Variants in RYR2 observed in about 807,000 individuals in gnomAD.
The protein encoded by RYR2 is cardiac muscle ryanodine receptor-calcium release channel.
RYR2 carries 227 observed loss-of-function variants against 601.1 expected under a neutral mutation model. The observed-to-expected ratio is 0.38, with a 90% CI of 0.34 to 0.42. The LOEUF is 0.42. RYR2 is among the 10% of genes least tolerant of loss of function. The pLI, the probability that RYR2 is intolerant of heterozygous loss-of-function variation, is 1.00. For missense variants in RYR2, 4,646 were observed against 6,156.5 expected (o/e 0.75, Z 8.21); for synonymous variants, 2,223 against 2,175.1 (o/e 1.02, Z -0.61).
chr1:237,521,976 T>C (rs1667132402), intron 24 of RYR2, among the ~76,000 whole-genome samples: 1 of 152,108 alleles, frequency 6.6e-6, no homozygotes. Flanking sequence ...GGAATGCTCT[T>C]TTCTTTTTTT....
chr1:237,599,021 G>A (rs186119722), intron 34 of RYR2, among the ~76,000 whole-genome samples: 2 of 152,140 alleles, frequency 1.3e-5, no homozygotes, highest in East Asian at 3.9e-4. Context: ...CCAACAAATT[G>A]GATAACCTAG....
chr1:237,335,686 T>C (rs1697180622), intron 3 of RYR2, among the ~76,000 whole-genome samples: 1 of 152,180 alleles, frequency 6.6e-6, no homozygotes, highest in African/African-American at 2.4e-5. Context: ...TAGAATATTG[T>C]AGATTGAACT....
chr1:237,429,009 G>A (rs920170316), intron 12 of RYR2, among the ~76,000 whole-genome samples: 1 of 150,226 alleles, frequency 6.7e-6, no homozygotes, highest in African/African-American at 2.4e-5. Context: ...ACCCTTAATT[G>A]GACATTCATT....
intron 17 of RYR2, among the ~76,000 whole-genome samples, chr1:237,476,509 CAAAAAAAAAAAAAAAA>C (rs56116691): frequency 4.3e-5 from 3 of 70,190 alleles, no homozygotes; most frequent in Non-Finnish European, 7.5e-5. Context: ...GACTCTGTCT[CAAAAAAAAAAAAAAAA>C]AAAAAAAAAA....
At chr1:237,264,518 A>T (rs1688845635) in intron 1 of RYR2, among the ~76,000 whole-genome samples, 1 of 152,126 alleles carries the variant, frequency 6.6e-6, no homozygotes, top group African/African-American at 2.4e-5. Flanking sequence ...GGGCAATTCA[A>T]TGAAAGGGTA....
intron 16 of RYR2, among the ~76,000 whole-genome samples, chr1:237,458,612 T>C (rs540166098): frequency 1.3e-5 from 2 of 152,278 alleles, no homozygotes; most frequent in African/African-American, 4.8e-5. Context: ...CTGGTTTTTG[T>C]ATCTGCTATT....
chr1:237,304,539 G>C (rs1344434425), intron 2 of RYR2, among the ~76,000 whole-genome samples: 1 of 152,154 alleles, frequency 6.6e-6, no homozygotes, highest in Non-Finnish European at 1.5e-5. Context: ...TGTTTCAAAG[G>C]CTACTTATTG....
chr1:237,792,636 G>A (rs879752165), intron 94 of RYR2, among the ~76,000 whole-genome samples: 1 of 152,116 alleles, frequency 6.6e-6, no homozygotes, highest in Non-Finnish European at 1.5e-5. Context: ...GGGCATTGGA[G>A]CCTGGCCTTT....
At chr1:237,214,392 T>C (rs777107322) in intron 1 of RYR2, among the ~76,000 whole-genome samples, 11 of 152,136 alleles carry the variant, frequency 7.2e-5, no homozygotes, top group South Asian at 6.2e-4. Flanking sequence ...CCAGCATTTG[T>C]CTCTGGTCAG....
At chr1:237,808,853 GTA>G in intron 99 of RYR2, 46 bp from the exon 100 acceptor site, 1 of 1,602,288 alleles carries the variant, frequency 6.2e-7, no homozygotes, top group South Asian at 1.1e-5. Context: ...CGTGTCAATT[GTA>G]TGTCCTACAT....
chr1:237,556,127 C>G (rs964314854), intron 27 of RYR2, among the ~76,000 whole-genome samples: 1 of 151,946 alleles, frequency 6.6e-6, no homozygotes, highest in Non-Finnish European at 1.5e-5. Flanking sequence ...TTCGTAACAC[C>G]GTTGTGGACA....
At chr1:237,436,270 G>A (rs1707340731) in intron 12 of RYR2, among the ~76,000 whole-genome samples, 1 of 98,924 alleles carries the variant, frequency 1.0e-5, no homozygotes, top group Non-Finnish European at 2.4e-5. Flanking sequence ...CTCTAGGGGA[G>A]GGTATTGTAC....
intron 38 of RYR2, among the ~76,000 whole-genome samples, chr1:237,618,260 C>CA (rs149571333): frequency 2.4e-3 from 370 of 152,076 alleles, no homozygotes; most frequent in African/African-American, 8.4e-3. Context: ...TTATAAACAG[C>CA]ATTTATTGAG....
chr1:237,574,085 T>A (rs1213717000), intron 29 of RYR2, among the ~76,000 whole-genome samples: 1 of 152,184 alleles, frequency 6.6e-6, no homozygotes, highest in East Asian at 1.9e-4. Context: ...GCATTGTCTA[T>A]GTGGCAGATC....
chr1:237,216,465 C>T (rs1399515486), intron 1 of RYR2, among the ~76,000 whole-genome samples: 7 of 151,972 alleles, frequency 4.6e-5, no homozygotes, highest in Non-Finnish European at 8.8e-5. Flanking sequence ...GGGCTAGGAG[C>T]GGTGGCTCAT....
chr1:237,507,731 G>A (rs61833803), intron 23 of RYR2, among the ~76,000 whole-genome samples: 4,128 of 152,286 alleles, frequency 0.027, 82 homozygotes, highest in Non-Finnish European at 0.041. Flanking sequence ...ATGACCTAGC[G>A]GAGAGTTCTT....
At chr1:237,069,922 A>C (rs1664098245) in intron 1 of RYR2, among the ~76,000 whole-genome samples, 1 of 152,176 alleles carries the variant, frequency 6.6e-6, no homozygotes, top group Non-Finnish European at 1.5e-5. Context: ...TGATGTGACT[A>C]AATATTTTCC....
At chr1:237,782,178 C>CTTTTTTTTTTTTTTTT (rs35521596) in intron 89 of RYR2, among the ~76,000 whole-genome samples, 3 of 119,146 alleles carry the variant, frequency 2.5e-5, no homozygotes, top group Non-Finnish European at 3.4e-5. Context: ...TTTGTTATTG[C>CTTTTTTTTTTTTTTTT]TTTTTTTTTT....
intron 19 of RYR2, among the ~76,000 whole-genome samples, chr1:237,496,066 A>G (rs1664037835): frequency 6.6e-6 from 1 of 152,174 alleles, no homozygotes; most frequent in Admixed American, 6.6e-5. Context: ...AAGGAAATAT[A>G]TATTTAATAT....
Sources: gnomAD v4.1 joint callset for allele counts (sites outside exome capture counted in the v4.1 genomes callset) on GRCh38, gnomAD v4.1.1 for gene constraint, MANE v1.5 for transcripts, NCBI Gene and HGNC (gene_info 2026-07-23, HGNC 2026-07-21) for gene names.